The following RPS6KA1 variants were observed in gnomAD, a reference collection of about 807,000 sequenced individuals.
The protein encoded by RPS6KA1 is ribosomal protein S6 kinase A1.
A neutral mutation model predicts 91.3 loss-of-function variants in RPS6KA1; 48 were observed. That is an observed-to-expected ratio of 0.53 (90% confidence interval 0.42 to 0.67). The LOEUF (loss-of-function observed/expected upper bound fraction) is 0.67. Ranked by LOEUF, RPS6KA1 falls within the 30% of genes least tolerant of loss-of-function variation. RPS6KA1 has a pLI of 0.00. For missense variants in RPS6KA1, 719 were observed against 960.5 expected (o/e 0.75, Z 3.32); for synonymous variants, 359 against 384.7 (o/e 0.93, Z 0.78).
At chr1:26,543,011 G>A (rs2075960496) in intron 2 of RPS6KA1, 1 of 802,872 alleles carries the variant, frequency 1.2e-6, no homozygotes, top group Non-Finnish European at 1.9e-6. Context: ...CCTCTATAGA[G>A]GAGCCTGACC....
chr1:26,560,743 C>T lies in RPS6KA1; in HGVS notation c.1233C>T (p.Asn411=), dbSNP rs2076146459. 3 of 1,614,052 alleles carry T rather than the reference C, an allele frequency of 1.9e-6. No individual in the cohort carries two copies. The highest frequency in any genetic ancestry group is 1.1e-5 in the South Asian group (1 of 91,088). Residue 411 remains asparagine, a synonymous_variant, in exon 15 of 22, where the codon AAC becomes AAT. Transcript: ENST00000374168. ...TCCTACAGCAACTCCATGGGAAGAACCTGGTTTTTAGTGACGGCTACGTGG... is the reference window on the plus strand; with the variant it reads ...TCCTACAGCAACTCCATGGGAAGAATCTGGTTTTTAGTGACGGCTACGTGG... ...HSVVQQLHGK[N]LVFSDGYVVK...
Position 26,574,095 on chromosome 1 carries a change from C to T in RPS6KA1, c.2102C>T (p.Thr701Met), listed in dbSNP as rs367842246. 13 of 1,614,002 alleles carry T rather than the reference C, an allele frequency of 8.1e-6. No individual in the cohort carries two copies. The highest frequency in any genetic ancestry group is 3.3e-5 in the Admixed American group (2 of 60,000). The change falls in exon 22 of 22, where the codon ACG (threonine) becomes ATG (methionine). Residue 701 changes from threonine (T) to methionine (M), a missense_variant. This residue lies in a region of RPS6KA1 where 249 missense variants were observed against 323.1 expected (regional missense o/e 0.77). Coordinates refer to ENST00000374168, the MANE Select transcript of RPS6KA1 (RefSeq NM_002953.4). This position sits in a 1 kb window ranked among gnomAD's most constrained non-coding sequence, Gnocchi z 4.3. ...LQLVKGAMAA[T>M]YSALNSSKPT... ...CTCTTTCAGGGAGCCATGGCTGCCA[C>T]GTACTCCGCACTCAACAGCTCCAAG...
chr1:26,559,068 A>C, intron 14 of RPS6KA1, 131 bp downstream of exon 14: 3 of 1,106,394 alleles, frequency 2.7e-6, no homozygotes, highest in Non-Finnish European at 2.5e-6. Context: ...TCCAACATAA[A>C]ACAGGGACAG....
intron 1 of RPS6KA1, among the ~76,000 whole-genome samples, chr1:26,533,636 G>A (rs1322720679): frequency 6.6e-6 from 1 of 152,182 alleles, no homozygotes; most frequent in Non-Finnish European, 1.5e-5. Flanking sequence ...ACCCAGCGGG[G>A]CAGAGGTTGC....
At chr1:26,552,863 C>A in intron 6 of RPS6KA1, 2 of 425,040 alleles carry the variant, frequency 4.7e-6, no homozygotes, top group Non-Finnish European at 4.7e-6. Context: ...AGAAGTCTTC[C>A]TCCCACCCCA....
At chr1:26,572,675 A>G (rs746860876) in intron 20 of RPS6KA1, among the ~76,000 whole-genome samples, 8 of 152,194 alleles carry the variant, frequency 5.3e-5, no homozygotes, top group Non-Finnish European at 8.8e-5. Context: ...CACAGAGCAG[A>G]GCAACTGGCC....
At chr1:26,567,455 A>C (rs1181290914) in intron 17 of RPS6KA1, among the ~76,000 whole-genome samples, 1 of 152,156 alleles carries the variant, frequency 6.6e-6, no homozygotes, top group Non-Finnish European at 1.5e-5. Context: ...GTCTCGGCTC[A>C]CTGCAACCTC....
intron 2 of RPS6KA1, among the ~76,000 whole-genome samples, chr1:26,541,277 G>A (rs1046189396): frequency 3.4e-5 from 5 of 149,112 alleles, no homozygotes; most frequent in East Asian, 2.0e-4. Flanking sequence ...AAAAAATGCC[G>A]GACACAGTGC....
intron 17 of RPS6KA1, among the ~76,000 whole-genome samples, chr1:26,565,543 TTTTTC>T (rs57066833): frequency 1.0e-3 from 154 of 148,128 alleles, no homozygotes; most frequent in Middle Eastern, 3.4e-3. Context: ...TGAATTTATT[TTTTTC>T]TTTTCTTTTC....
Position 26,551,589 on chromosome 1 carries a change from G to A in RPS6KA1, c.389-55G>A, listed in dbSNP as rs1553131907. 6.2e-7 allele frequency: 1 copy of A among 1,601,814 alleles called. No homozygotes were observed. The highest frequency in any genetic ancestry group is 8.6e-7 in the Non-Finnish European group (1 of 1,168,798). On this transcript the variant is annotated intron_variant, in intron 5 of 21. Transcript: ENST00000374168. The surrounding 1 kb of genome is among the most constrained non-coding windows in gnomAD (Gnocchi z 4.5). ...GCAGGCCAAGGGAGCCAGGGCCGGA[G>A]AAGCAGATCATAAGGCCGCGCCGAC...
At position 26,571,585 on chromosome 1, in the gene RPS6KA1, A is replaced by G; in HGVS notation, c.1727A>G (p.Tyr576Cys). ...AATGGGCTCCTCATGACACCTTGCT[A>G]CACAGCCAACTTTGTGGCGCCTGAG... ...AENGLLMTPCYTANFVAPEVL... is the reference protein window; with the variant it reads ...AENGLLMTPCCTANFVAPEVL... The change falls in exon 18 of 22, where the codon TAC (tyrosine) becomes TGC (cysteine). Residue 576 changes from tyrosine (Y) to cysteine (C), a missense_variant. By Grantham distance (194) the Tyr-to-Cys change is radical. This residue lies in a region of RPS6KA1 where 249 missense variants were observed against 323.1 expected (regional missense o/e 0.77). Coordinates refer to ENST00000374168, the MANE Select transcript of RPS6KA1 (RefSeq NM_002953.4). This position sits in a 1 kb window ranked among gnomAD's most constrained non-coding sequence, Gnocchi z 5.1. The G allele has an allele frequency of 6.2e-7, 1 of 1,614,164 alleles. No homozygotes were observed. Among genetic ancestry groups the G allele is most frequent in the Non-Finnish European group, 8.5e-7 (1 of 1,180,020 alleles).
Position 26,555,762 on chromosome 1 carries a change from G to A in RPS6KA1, c.916+137G>A, listed in dbSNP as rs776163353. On this transcript the variant is annotated intron_variant, in intron 11 of 21. Transcript: ENST00000374168. The surrounding 1 kb of genome is among the most constrained non-coding windows in gnomAD (Gnocchi z 4.3). ...GGCAGACAATGCCGCGGGCCACCCT[G>A]CTTTCTGGCTCCATGTGTGGTGTTG... 5 of 821,146 alleles carry A rather than the reference G, an allele frequency of 6.1e-6. No individual in the cohort carries two copies. Among genetic ancestry groups the A allele is most frequent in the Middle Eastern group, 7.0e-4 (2 of 2,862 alleles). 50.9% of individuals were successfully genotyped at this position (821,146 alleles called of 1,614,324 possible). A position where few individuals can be genotyped will look rare whatever the true frequency, so the allele number is the denominator to read the frequency against.
chr1:26,531,178 G>C (rs1557485511), intron 1 of RPS6KA1: 1 of 156,874 alleles, frequency 6.4e-6, no homozygotes, highest in Non-Finnish European at 1.4e-5. Context: ...GGGTGGGCGC[G>C]GCAGGATTAG....
At chr1:26,562,825 C>CTTTTTT (rs748764001) in intron 17 of RPS6KA1, among the ~76,000 whole-genome samples, 1 of 81,432 alleles carries the variant, frequency 1.2e-5, no homozygotes, top group African/African-American at 5.1e-5. Flanking sequence ...TCCTATTGTC[C>CTTTTTT]TTTTTTTTTT....
At position 26,555,773 on chromosome 1, in the gene RPS6KA1, C is replaced by T. The variant is rs1312200198; in HGVS notation, c.916+148C>T. The T allele has an allele frequency of 3.9e-6, 3 of 776,918 alleles. No individual in the cohort carries two copies. In the African/African-American group the frequency reaches 5.1e-5, roughly 13 times the overall value. The allele number at this position is 776,918 out of a possible 1,614,324, so 48.1% of individuals were successfully genotyped here. On this transcript the variant is annotated intron_variant, in intron 11 of 21. Transcript: ENST00000374168. This position sits in a 1 kb window ranked among gnomAD's most constrained non-coding sequence, Gnocchi z 4.3. ...CCGCGGGCCACCCTGCTTTCTGGCT[C>T]CATGTGTGGTGTTGTGGAGGGGGGA...
intron 2 of RPS6KA1, chr1:26,544,055 C>T (rs2075970598): frequency 4.4e-6 from 2 of 455,980 alleles, no homozygotes. Flanking sequence ...TGTCTCCCCT[C>T]ATCTCTTTCC....
intron 6 of RPS6KA1, among the ~76,000 whole-genome samples, chr1:26,553,164 G>C (rs1333950565): frequency 2.0e-5 from 3 of 152,108 alleles, no homozygotes; most frequent in Admixed American, 6.5e-5. Context: ...TTGGACCCTA[G>C]GCCTGTTTCC....
In RPS6KA1 at chr1:26,558,710, G is replaced by A; in HGVS notation, c.1085-97G>A. 3 of 1,429,614 alleles carry A rather than the reference G, an allele frequency of 2.1e-6. No individual in the cohort carries two copies. Among genetic ancestry groups the A allele is most frequent in the Non-Finnish European group, 2.9e-6 (3 of 1,050,246 alleles). The allele number at this position is 1,429,614 out of a possible 1,614,324, so 88.6% of individuals were successfully genotyped here. A position where few individuals can be genotyped will look rare whatever the true frequency, so the allele number is the denominator to read the frequency against. ...GGCTCCCGCCACGGCCAGCCCCTGA[G>A]GCAGGTCTGGAGGCCCTGTGCTCCC... On this transcript the variant is annotated intron_variant, in intron 13 of 21. Transcript: ENST00000374168. The surrounding 1 kb of genome is among the most constrained non-coding windows in gnomAD (Gnocchi z 4.0).
Position 26,547,039 on chromosome 1 carries a change from T to A in RPS6KA1, c.225+56T>A, listed in dbSNP as rs2076000974. The A allele has an allele frequency of 6.4e-7, 1 of 1,556,882 alleles. No individual in the cohort carries two copies. Among genetic ancestry groups the A allele is most frequent in the East Asian group, 2.2e-5 (1 of 44,566 alleles). On this transcript the variant is annotated intron_variant, in intron 3 of 21. Transcript: ENST00000374168. This position sits in a 1 kb window ranked among gnomAD's most constrained non-coding sequence, Gnocchi z 4.1. ...ACACTCGTCATGTTAGAGGTGGGGGTCAAGGGTCACCTAGGGGCCCAAAGG... is the reference window on the plus strand; with the variant it reads ...ACACTCGTCATGTTAGAGGTGGGGGACAAGGGTCACCTAGGGGCCCAAAGG...
Sources: allele counts gnomAD v4.1 joint callset (sites outside exome capture counted in the v4.1 genomes callset), GRCh38; gene constraint gnomAD v4.1.1; regional missense constraint gnomAD v4.1.1; non-coding constraint Gnocchi (gnomAD v3.1); transcripts MANE v1.5; gene names NCBI Gene and HGNC (gene_info 2026-07-23, HGNC 2026-07-21).